Variants in CEP78 observed in about 807,000 individuals in gnomAD.
CEP78 encodes centrosomal protein 78.
CEP78 carries 76 observed loss-of-function variants against 81.2 expected under a neutral mutation model. That is an observed-to-expected ratio of 0.94 (90% CI 0.78 to 1.13). The LOEUF is 1.13. Among genes scored for constraint, CEP78 ranks in the 50% most tolerant of loss-of-function variants. The pLI, the probability that CEP78 is intolerant of heterozygous loss-of-function variation, is 0.00. For missense variants in CEP78, 918 were observed against 846.8 expected, an observed-to-expected ratio of 1.08 and a Z score of -1.04; for synonymous variants, 293 against 301.4, an observed-to-expected ratio of 0.97 and a Z score of 0.29.
At chr9:78,264,432 T>C (rs1827420397) in intron 13 of CEP78, 116 bp downstream of exon 13, 2 of 699,178 alleles carry the variant, frequency 2.9e-6, no homozygotes, top group Admixed American at 6.7e-5. Context: ...TAATTATAAG[T>C]AATACACTTG....
At position 78,275,096 on chromosome 9, in the gene CEP78, T is replaced by C. The variant is rs551039724; in HGVS notation, c.*4245T>C. The C allele has an allele frequency of 2.6e-5, 4 of 152,138 alleles. No homozygotes were observed. The highest frequency in any genetic ancestry group is 6.5e-5 in the Admixed American group (1 of 15,284). The allele number at this position is 152,138 out of a possible 1,614,324, so 9.4% of individuals were successfully genotyped here. The stretch of plus-strand genomic sequence containing the variant: ...CAAAAATTGCCAGCATTAGGAATAA[T>C]TTTAGAAGGATACCTACAACTAGAA... On this transcript the variant is annotated 3_prime_UTR_variant, in exon 17 of 17. Transcript: ENST00000643273.
chr9:78,271,746 G>C lies in CEP78; in HGVS notation c.*895G>C, dbSNP rs1827693483. 1 of 151,588 alleles carries C rather than the reference G, an allele frequency of 6.6e-6. No individual in the cohort carries two copies. Among genetic ancestry groups the C allele is most frequent in the African/African-American group, 2.4e-5 (1 of 41,308 alleles). 9.4% of individuals were successfully genotyped at this position (151,588 alleles called of 1,614,324 possible). A position where few individuals can be genotyped will look rare whatever the true frequency, so the allele number is the denominator to read the frequency against. On this transcript the variant is annotated 3_prime_UTR_variant, in exon 17 of 17. Transcript: ENST00000643273. ...TCAAGGTCTCACTCATGTCACCCAG[G>C]CTGGGGTGTAGTGATGGGATCACAG...
At chr9:78,267,545 G>T (rs995712653) in intron 16 of CEP78, among the ~76,000 whole-genome samples, 2 of 152,150 alleles carry the variant, frequency 1.3e-5, no homozygotes, top group African/African-American at 4.8e-5. Context: ...TATAGATGAG[G>T]TGTCTAAGGA....
chr9:78,253,909 G>A (rs892792023), intron 10 of CEP78: 2 of 152,210 alleles, frequency 1.3e-5, no homozygotes, highest in South Asian at 4.1e-4. Flanking sequence ...AAAAGTAGGG[G>A]CGTGCATCTC....
At chr9:78,269,692 G>A (rs1476821188) in intron 16 of CEP78, among the ~76,000 whole-genome samples, 1 of 152,198 alleles carries the variant, frequency 6.6e-6, no homozygotes, top group African/African-American at 2.4e-5. Flanking sequence ...GAAAATGCCA[G>A]ATTGCAGTAA....
At position 78,266,653 on chromosome 9, in the gene CEP78, A is replaced by AGGAGTTGTC. The variant is rs781059828; in HGVS notation, c.2058_2066dup (p.Glu687_Ser689dup). 6.8e-6 allele frequency: 11 copies of AGGAGTTGTC among 1,612,336 alleles called. No individual in the cohort carries two copies. Among genetic ancestry groups the AGGAGTTGTC allele is most frequent in the Non-Finnish European group, 9.3e-6 (11 of 1,179,096 alleles). ...GGAACTGGAAGTCAAAGAAAAGAAGAGGAGTTGTCCAGAAATAGCAGATCT... is the reference window on the plus strand; with the variant it reads ...GGAACTGGAAGTCAAAGAAAAGAAGAGGAGTTGTCGGAGTTGTCCAGAAATAGCAGATCT... On this transcript the variant is annotated inframe_insertion, in exon 16 of 17. Transcript: ENST00000643273.
chr9:78,267,211 T>C (rs1827581874), intron 16 of CEP78: 1 of 432,224 alleles, frequency 2.3e-6, no homozygotes, highest in African/African-American at 2.1e-5. Flanking sequence ...ACTGAGGGGC[T>C]AGTATGTATA....
At chr9:78,251,466 G>T (rs528207852) in intron 8 of CEP78, among the ~76,000 whole-genome samples, 17 of 152,092 alleles carry the variant, frequency 1.1e-4, no homozygotes, top group African/African-American at 4.1e-4. Context: ...AGGAGTCATG[G>T]GTGTATCTAT....
At chr9:78,244,199 G>A (rs1002629798) in intron 5 of CEP78, among the ~76,000 whole-genome samples, 2 of 148,144 alleles carry the variant, frequency 1.4e-5, no homozygotes, top group Non-Finnish European at 3.0e-5. Flanking sequence ...GAGTGCAATG[G>A]TGTAATCATA....
intron 11 of CEP78, among the ~76,000 whole-genome samples, chr9:78,258,566 A>G (rs1242152062): frequency 6.6e-6 from 1 of 152,354 alleles, no homozygotes; most frequent in Non-Finnish European, 1.5e-5. Context: ...AGGAGTGGCT[A>G]TAAGTAAGTA....
Position 78,270,873 on chromosome 9 carries a change from A to G in CEP78, c.*22A>G, listed in dbSNP as rs1197329343. 1 of 686,964 alleles carries G rather than the reference A, an allele frequency of 1.5e-6. No individual in the cohort carries two copies. The highest frequency in any genetic ancestry group is 1.8e-5 in the African/African-American group (1 of 55,434). The allele number at this position is 686,964 out of a possible 1,614,324, so 42.6% of individuals were successfully genotyped here. On this transcript the variant is annotated 3_prime_UTR_variant, in exon 17 of 17. Transcript: ENST00000643273. ...TTGAAATGACTGGAGAAATATTAAA[A>G]TAAAAATAATAGCAGAGTTGGAAAA...
chr9:78,260,924 A>G (rs1439578200), intron 11 of CEP78, among the ~76,000 whole-genome samples: 6 of 151,838 alleles, frequency 4.0e-5, no homozygotes, highest in Non-Finnish European at 8.8e-5. Flanking sequence ...CCTCCTTATG[A>G]ACTTTTGCGT....
At chr9:78,250,121 TA>T in intron 8 of CEP78, 1 of 394,128 alleles carries the variant, frequency 2.5e-6, no homozygotes, top group Non-Finnish European at 4.5e-6. Context: ...TGAATGAGAA[TA>T]AAAAACAAAA....
At chr9:78,247,847 A>G (rs1362168546) in intron 6 of CEP78, among the ~76,000 whole-genome samples, 1 of 152,186 alleles carries the variant, frequency 6.6e-6, no homozygotes, top group Non-Finnish European at 1.5e-5. Context: ...TTTTTTTAAA[A>G]AGTCCTAGGT....
rs990885317 is a variant in CEP78, at chr9:78,271,337, A to G, written c.*486A>G. ...ATCAAATTTGAAGAAAACCAGTAAC[A>G]TAAAAGGAGGCATGAAATTAAAATT... On this transcript the variant is annotated 3_prime_UTR_variant, in exon 17 of 17. Transcript: ENST00000643273. The G allele has an allele frequency of 2.0e-5, 3 of 152,368 alleles. No individual in the cohort carries two copies. The highest frequency in any genetic ancestry group is 4.4e-5 in the Non-Finnish European group (3 of 68,136). The allele number at this position is 152,368 out of a possible 1,614,324, so 9.4% of individuals were successfully genotyped here.
intron 8 of CEP78, among the ~76,000 whole-genome samples, chr9:78,250,604 C>T (rs142127708): frequency 1.2e-4 from 18 of 152,012 alleles, no homozygotes; most frequent in African/African-American, 3.9e-4. Context: ...CCGGGCGTGG[C>T]GGCGTGCACC....
At chr9:78,251,832 G>T in intron 8 of CEP78, 76 bp from the exon 9 acceptor site, 1 of 1,316,322 alleles carries the variant, frequency 7.6e-7, no homozygotes, top group South Asian at 1.6e-5. Context: ...ATTCTTTTAA[G>T]AGTATGCACA....
At chr9:78,266,419 T>C in intron 15 of CEP78, 23 bp from the exon 16 acceptor site, 1 of 1,553,348 alleles carries the variant, frequency 6.4e-7, no homozygotes, top group South Asian at 1.2e-5. Flanking sequence ...GTCACTAAAT[T>C]TTTGTTTTGT....
intron 6 of CEP78, among the ~76,000 whole-genome samples, chr9:78,248,086 C>G (rs1049505737): frequency 3.3e-5 from 5 of 152,076 alleles, no homozygotes; most frequent in Non-Finnish European, 5.9e-5. Context: ...TAGTAGCCAT[C>G]AGGGACAATA....
Sources: gnomAD v4.1 joint callset for allele counts (sites outside exome capture counted in the v4.1 genomes callset) on GRCh38, gnomAD v4.1.1 for gene constraint, MANE v1.5 for transcripts, NCBI Gene and HGNC (gene_info 2026-07-23, HGNC 2026-07-21) for gene names.